XPR1: variants seen among roughly 807,000 people sequenced by gnomAD.
XPR1 encodes xenotropic and polytropic retrovirus receptor 1, also known as solute carrier family 53 member 1.
Under a neutral mutation model 87.5 loss-of-function variants are expected in XPR1, and 28 were observed. That is an observed-to-expected ratio of 0.32 (90% CI 0.24 to 0.44). The LOEUF is 0.44. XPR1 is among the 20% of genes least tolerant of loss of function. The pLI, the probability that XPR1 is intolerant of heterozygous loss-of-function variation, is 1.00. For missense variants in XPR1, 559 were observed against 862.3 expected (o/e 0.65, Z 4.41); for synonymous variants, 300 against 306.1 (o/e 0.98, Z 0.21).
chr1:180,644,099 A>C (rs1358465032), intron 1 of XPR1, among the ~76,000 whole-genome samples: 2 of 152,182 alleles, frequency 1.3e-5, no homozygotes. Flanking sequence ...CAAATTACTA[A>C]TTTACAACGA....
At position 180,888,825 on chromosome 1, in the gene XPR1, A is replaced by G. The variant is rs1160930105; in HGVS notation, c.*4759A>G. The G allele has an allele frequency of 6.6e-6, 1 of 152,222 alleles. No homozygotes were observed. Among genetic ancestry groups the G allele is most frequent in the Non-Finnish European group, 1.5e-5 (1 of 68,046 alleles). The allele number at this position is 152,222 out of a possible 1,614,324, so 9.4% of individuals were successfully genotyped here. On this transcript the variant is annotated 3_prime_UTR_variant, in exon 15 of 15. Transcript: ENST00000367590. ...TAGAGCACATGGTAATGTGGGACAGAGTTGATTATATGATAGCATGAGAAA... is the reference window on the plus strand; with the variant it reads ...TAGAGCACATGGTAATGTGGGACAGGGTTGATTATATGATAGCATGAGAAA...
At chr1:180,695,383 G>A (rs1657127508) in intron 2 of XPR1, among the ~76,000 whole-genome samples, 1 of 150,318 alleles carries the variant, frequency 6.7e-6, no homozygotes, top group African/African-American at 2.5e-5. Flanking sequence ...CTGTGCAGAA[G>A]CCTTTTAGTT....
intron 2 of XPR1, among the ~76,000 whole-genome samples, chr1:180,709,735 C>T (rs997471248): frequency 1.3e-5 from 2 of 151,998 alleles, no homozygotes; most frequent in Admixed American, 6.6e-5. Context: ...GGTGTTACCT[C>T]GTTGTGTTTT....
chr1:180,738,082 G>A (rs1024161457), intron 2 of XPR1, among the ~76,000 whole-genome samples: 2 of 152,060 alleles, frequency 1.3e-5, no homozygotes, highest in Non-Finnish European at 2.9e-5. Context: ...CACGATCTTG[G>A]CTCACTGCAA....
intron 2 of XPR1, among the ~76,000 whole-genome samples, chr1:180,696,198 G>GTA (rs1276412497): frequency 1.3e-4 from 15 of 115,856 alleles, no homozygotes; most frequent in Non-Finnish European, 2.5e-4. Context: ...GTGTGTGTGT[G>GTA]TGTGTGTGTG....
rs144391390 is a variant in XPR1 at position 180,882,335 on chromosome 1, C to T, written c.2031-1671C>T. Among the ~76,000 whole-genome samples, 56 of 152,198 alleles carry T rather than the reference C, an allele frequency of 3.7e-4. 3 individuals carry two copies. In the East Asian group the frequency reaches 0.011, roughly 29 times the overall value. On this transcript the variant is annotated intron_variant, in intron 14 of 14. Coordinates refer to ENST00000367590, the MANE Select transcript of XPR1 (RefSeq NM_004736.4). ...TCACTCATGCAACCTTTAGCATATC[C>T]TTAATGTGTGTGGTTTTTTTGTTTG...
intron 2 of XPR1, among the ~76,000 whole-genome samples, chr1:180,702,946 CT>C (rs1030342629): frequency 6.6e-6 from 1 of 152,102 alleles, no homozygotes; most frequent in African/African-American, 2.4e-5. Context: ...TAGAGAAAGA[CT>C]TTTTCCTGTA....
chr1:180,821,903 T>C (rs1650638848), intron 7 of XPR1, among the ~76,000 whole-genome samples: 1 of 152,176 alleles, frequency 6.6e-6, no homozygotes, highest in African/African-American at 2.4e-5. Flanking sequence ...CTGTGATGAA[T>C]TTACTAATTC....
At chr1:180,777,040 A>G (rs1385003893) in intron 2 of XPR1, among the ~76,000 whole-genome samples, 3 of 152,190 alleles carry the variant, frequency 2.0e-5, no homozygotes, top group African/African-American at 7.2e-5. Context: ...CAATTAGGAA[A>G]AGACTTAGAG....
chr1:180,801,413 G>A (rs2102114519), intron 3 of XPR1, among the ~76,000 whole-genome samples: 1 of 152,270 alleles, frequency 6.6e-6, no homozygotes, highest in South Asian at 2.1e-4. Context: ...ATAAATGGAT[G>A]AAATTTATTT....
chr1:180,774,970 A>G (rs1457029679), intron 2 of XPR1, among the ~76,000 whole-genome samples: 1 of 152,194 alleles, frequency 6.6e-6, no homozygotes, highest in Non-Finnish European at 1.5e-5. Flanking sequence ...GAGGGGTCCA[A>G]CACTATGTCC....
At chr1:180,649,276 A>AG (rs59340083) in intron 1 of XPR1, among the ~76,000 whole-genome samples, 1 of 151,964 alleles carries the variant, frequency 6.6e-6, no homozygotes, top group African/African-American at 2.4e-5. Flanking sequence ...ATACAAAAAA[A>AG]AAAAAATTAT....
chr1:180,794,723 A>T (rs974710855), intron 3 of XPR1, among the ~76,000 whole-genome samples: 10 of 152,130 alleles, frequency 6.6e-5, no homozygotes, highest in African/African-American at 2.4e-4. Context: ...GGCTGTAGGG[A>T]GAGGTGGGAT....
At chr1:180,782,097 A>G (rs1230065149) in intron 2 of XPR1, among the ~76,000 whole-genome samples, 1 of 152,032 alleles carries the variant, frequency 6.6e-6, no homozygotes, top group Non-Finnish European at 1.5e-5. Flanking sequence ...CTCAGAGCAA[A>G]GGAATCTCTA....
At chr1:180,822,186 A>G (rs1650657306) in intron 7 of XPR1, among the ~76,000 whole-genome samples, 1 of 152,226 alleles carries the variant, frequency 6.6e-6, no homozygotes, top group Non-Finnish European at 1.5e-5. Flanking sequence ...TTAAGTCTTG[A>G]CAAAGTACTG....
rs147845026 is a variant in XPR1, at chr1:180,848,346, C to G, written c.1501+11630C>G. 1.8e-3 allele frequency among the ~76,000 whole-genome samples: 271 copies of G among 152,258 alleles called. 2 individuals are homozygous for G. The highest frequency in any genetic ancestry group is 0.015 in the Admixed American group (228 of 15,286). On this transcript the variant is annotated intron_variant, in intron 11 of 14. Coordinates refer to ENST00000367590, the MANE Select transcript of XPR1 (RefSeq NM_004736.4). Reference sequence around the variant, plus strand: ...TATGCTTCCCAGCTTCTTGTAACCTCTGTTGGACTTTGTACTTCTATGAGA... The same window carrying G: ...TATGCTTCCCAGCTTCTTGTAACCTGTGTTGGACTTTGTACTTCTATGAGA...
At chr1:180,693,609 C>G (rs1254571693) in intron 2 of XPR1, among the ~76,000 whole-genome samples, 1 of 152,200 alleles carries the variant, frequency 6.6e-6, no homozygotes. Context: ...AGTCTGAAAT[C>G]AAGGTGTCTG....
rs1652802644 is a variant in XPR1, at chr1:180,880,167, C to A, written c.1900C>A (p.Leu634Met). The A allele has an allele frequency of 1.2e-6, 2 of 1,614,176 alleles. No individual in the cohort carries two copies. The highest frequency in any genetic ancestry group is 1.7e-6 in the Non-Finnish European group (2 of 1,180,036). ...RAVRDISVAPLNADDQTLLEQ... is the reference protein window; with the variant it reads ...RAVRDISVAPMNADDQTLLEQ... ...TGTGCGGGACATCTCTGTGGCCCCC[C>A]TGAACGCAGATGATCAGACTCTCCT... The change falls in exon 14 of 15, where the codon CTG becomes ATG. Residue 634 changes from leucine (L) to methionine (M), a missense_variant. Physicochemically the swap from Leu to Met is conservative, Grantham distance 15 (BLOSUM62 2). Coordinates refer to ENST00000367590, the MANE Select transcript of XPR1 (RefSeq NM_004736.4).
Position 180,765,698 on chromosome 1 carries a change from G to A in XPR1, c.122-22055G>A, listed in dbSNP as rs150834084. 4.0e-3 allele frequency among the ~76,000 whole-genome samples: 614 copies of A among 152,208 alleles called. 2 individuals are homozygous for A. Among genetic ancestry groups the A allele is most frequent in the Middle Eastern group, 6.8e-3 (2 of 294 alleles). The stretch of plus-strand genomic sequence containing the variant: ...ATGCAATGTAAATACTATGTAAATA[G>A]TTGTATTGTTTTTAAATTTGTATTA... On this transcript the variant is annotated intron_variant, in intron 2 of 14. Coordinates refer to ENST00000367590, the MANE Select transcript of XPR1 (RefSeq NM_004736.4).
Sources: gnomAD v4.1 joint callset for allele counts (sites outside exome capture counted in the v4.1 genomes callset) on GRCh38, gnomAD v4.1.1 for gene constraint, MANE v1.5 for transcripts, NCBI Gene and HGNC (gene_info 2026-07-23, HGNC 2026-07-21) for gene names.